The following ZNF474 variants were observed in gnomAD, a reference collection of about 807,000 sequenced individuals.
ZNF474 encodes zinc finger protein 474.
For missense variants in ZNF474, 511 were observed against 433.8 expected, an observed-to-expected ratio of 1.18 and a Z score of -1.58; for synonymous variants, 192 against 162.2, an observed-to-expected ratio of 1.18 and a Z score of -1.39.
chr5:122,131,555 T>A (rs1247683904), intron 1 of ZNF474, among the ~76,000 whole-genome samples: 2 of 151,784 alleles, frequency 1.3e-5, no homozygotes, highest in Non-Finnish European at 2.9e-5. Context: ...ATAAGCCAGA[T>A]AAGGAAAGAC....
intron 1 of ZNF474, among the ~76,000 whole-genome samples, chr5:122,150,144 C>T (rs2560307): frequency 0.99 from 151,312 of 152,314 alleles, 75,159 homozygotes; most frequent in Middle Eastern, 1. Flanking sequence ...AAATAACCCA[C>T]GGGCTGGATT....
chr5:122,143,632 A>G (rs1439056931), intron 1 of ZNF474, among the ~76,000 whole-genome samples: 2 of 152,190 alleles, frequency 1.3e-5, no homozygotes, highest in Non-Finnish European at 2.9e-5. Flanking sequence ...GACAAAATGG[A>G]CAGCTTGGCA....
At chr5:122,135,252 T>C (rs1755673056) in intron 1 of ZNF474, among the ~76,000 whole-genome samples, 1 of 152,190 alleles carries the variant, frequency 6.6e-6, no homozygotes, top group Non-Finnish European at 1.5e-5. Context: ...GGAGGATCAC[T>C]TGAGGCCGTA....
intron 1 of ZNF474, among the ~76,000 whole-genome samples, chr5:122,146,022 T>C (rs1240181984): frequency 6.6e-6 from 1 of 152,142 alleles, no homozygotes; most frequent in Non-Finnish European, 1.5e-5. Context: ...CAGCTGCTGC[T>C]ACTGAAAAGA....
intron 1 of ZNF474, chr5:122,148,063 TA>T (rs2152606368): frequency 6.6e-6 from 1 of 152,374 alleles, no homozygotes; most frequent in East Asian, 1.9e-4. Context: ...AACATTGCTT[TA>T]TGACGTTTTG....
chr5:122,134,275 G>T (rs1755645200), intron 1 of ZNF474, among the ~76,000 whole-genome samples: 1 of 152,184 alleles, frequency 6.6e-6, no homozygotes, highest in Non-Finnish European at 1.5e-5. Context: ...GCAAATAGAA[G>T]GTCCCCCAAG....
intron 1 of ZNF474, among the ~76,000 whole-genome samples, chr5:122,148,576 C>T (rs894841106): frequency 1.1e-4 from 16 of 152,092 alleles, no homozygotes; most frequent in East Asian, 3.9e-4. Context: ...CATCATTCAT[C>T]GTTGGTCTGC....
intron 1 of ZNF474, among the ~76,000 whole-genome samples, chr5:122,139,990 G>A (rs985963503): frequency 5.3e-5 from 8 of 152,180 alleles, no homozygotes; most frequent in African/African-American, 1.9e-4. Context: ...CCTATTATTG[G>A]TGTCCCATGA....
rs749712326 is a variant in ZNF474, at chr5:122,152,562, G to A, written c.572G>A (p.Gly191Asp). The change falls in exon 2 of 2, where the codon GGT becomes GAT. Residue 191 changes from glycine to aspartate, a missense_variant. Physicochemically the swap from Gly to Asp is moderately conservative, Grantham distance 94. Coordinates refer to ENST00000296600, the MANE Select transcript of ZNF474 (RefSeq NM_207317.3). Reference protein sequence around the residue: ...LVHHRSCKPKGEGPRAPHSNS... With the variant: ...LVHHRSCKPKDEGPRAPHSNS... ...CATCACAGAAGCTGCAAGCCAAAGG[G>A]TGAGGGTCCCAGAGCACCACACTCA... 2 of 1,614,174 alleles carry A rather than the reference G, an allele frequency of 1.2e-6. No individual in the cohort carries two copies. The highest frequency in any genetic ancestry group is 1.1e-5 in the South Asian group (1 of 91,082).
In ZNF474 at chr5:122,152,621, G is replaced by T. The variant is rs116805237; in HGVS notation, c.631G>T (p.Ala211Ser). The part of the protein sequence containing the change: ...SSDHLTGLKK[A>S]CSGTPARPRT... ...TGATCATCTTACTGGCCTCAAGAAA[G>T]CTTGTAGTGGAACCCCAGCCCGACC... is the stretch of plus-strand genomic sequence containing the variant. The change falls in exon 2 of 2, where the codon GCT becomes TCT. Residue 211 changes from alanine to serine, a missense_variant. By Grantham distance (99) the Ala-to-Ser change is moderately conservative. Coordinates refer to ENST00000296600, the MANE Select transcript of ZNF474 (RefSeq NM_207317.3). The T allele has an allele frequency of 1.9e-6, 3 of 1,614,182 alleles. No individual in the cohort carries two copies. The highest frequency in any genetic ancestry group is 4.5e-5 in the East Asian group (2 of 44,880).
chr5:122,143,614 T>C (rs1438400097), intron 1 of ZNF474, among the ~76,000 whole-genome samples: 1 of 152,182 alleles, frequency 6.6e-6, no homozygotes. Flanking sequence ...AATTTATAGG[T>C]ATTTCTTGAC....
rs764370353 is a variant in ZNF474 at position 122,153,056 on chromosome 5, G to C, written c.1066G>C (p.Gly356Arg). Residue 356 changes from glycine (G) to arginine (R), a missense_variant, in exon 2 of 2, where the codon GGT (glycine) becomes CGT (arginine). By Grantham distance (125) the Gly-to-Arg change is moderately radical. Coordinates refer to ENST00000296600, the MANE Select transcript of ZNF474 (RefSeq NM_207317.3). ...KVIHATQDAL[G>R]EPGGALCL ...AATTCATGCCACACAAGACGCATTA[G>C]GTGAACCTGGTGGTGCCCTCTGCCT... 6.2e-7 allele frequency: 1 copy of C among 1,612,882 alleles called. No individual in the cohort carries two copies. The highest frequency in any genetic ancestry group is 1.1e-5 in the South Asian group (1 of 90,956).
At chr5:122,148,982 G>A (rs563579191) in intron 1 of ZNF474, among the ~76,000 whole-genome samples, 1 of 152,090 alleles carries the variant, frequency 6.6e-6, no homozygotes, top group African/African-American at 2.4e-5. Context: ...CGCCCACCTC[G>A]GCCTCCCAAA....
Position 122,152,780 on chromosome 5 carries a change from C to T in ZNF474, c.790C>T (p.Gln264Ter), listed in dbSNP as rs1756230180. 1 of 1,614,200 alleles carries T rather than the reference C, an allele frequency of 6.2e-7. No individual in the cohort carries two copies. Among genetic ancestry groups the T allele is most frequent in the Non-Finnish European group, 8.5e-7 (1 of 1,180,042 alleles). Reference sequence around the variant, plus strand: ...TGTGGAGCTCCACCAGCCACTCCCACAGAAGCCTCAGCCCCTTCCGAATGC... The same window carrying T: ...TGTGGAGCTCCACCAGCCACTCCCATAGAAGCCTCAGCCCCTTCCGAATGC... ...LPVELHQPLP[Q>*]KPQPLPNAQS... The change falls in exon 2 of 2, where the codon CAG (glutamine) becomes TAG (stop). Residue 264 changes from glutamine (Q) to a stop codon, truncating the protein, a stop_gained. Coordinates refer to ENST00000296600, the MANE Select transcript of ZNF474 (RefSeq NM_207317.3). LOFTEE classifies it low-confidence loss of function (END_TRUNC).
In ZNF474 at chr5:122,153,040, C is replaced by T; in HGVS notation, c.1050C>T (p.Ala350=). The T allele has an allele frequency of 6.2e-7, 1 of 1,613,988 alleles. No individual in the cohort carries two copies. Among genetic ancestry groups the T allele is most frequent in the Admixed American group, 1.7e-5 (1 of 60,024 alleles). ...GTGTAACTGATAAGGTAATTCATGCCACACAAGACGCATTAGGTGAACCTG... is the reference window on the plus strand; with the variant it reads ...GTGTAACTGATAAGGTAATTCATGCTACACAAGACGCATTAGGTGAACCTG... The part of the protein sequence containing the change: ...APSVTDKVIH[A]TQDALGEPGG... Residue 350 remains alanine, a synonymous_variant, in exon 2 of 2, where the codon GCC becomes GCT. Transcript: ENST00000296600.
At chr5:122,132,806 A>G (rs967297363) in intron 1 of ZNF474, among the ~76,000 whole-genome samples, 1 of 152,156 alleles carries the variant, frequency 6.6e-6, no homozygotes, top group Admixed American at 6.5e-5. Flanking sequence ...ATGTAAATTG[A>G]CCATATGTTT....
At chr5:122,150,766 T>C (rs1756147638) in intron 1 of ZNF474, among the ~76,000 whole-genome samples, 1 of 152,340 alleles carries the variant, frequency 6.6e-6, no homozygotes, top group East Asian at 1.9e-4. Context: ...CTGCCACTTC[T>C]TCTGGTGGGG....
intron 1 of ZNF474, among the ~76,000 whole-genome samples, chr5:122,132,677 T>C (rs1169408888): frequency 6.6e-6 from 1 of 152,176 alleles, no homozygotes; most frequent in Non-Finnish European, 1.5e-5. Flanking sequence ...GTAGTGAAAG[T>C]AGGGAGTTGA....
rs989448111 is a variant in ZNF474, at chr5:122,129,554, A to T, written c.-342A>T. On this transcript the variant is annotated 5_prime_UTR_variant, in exon 1 of 2. Coordinates refer to ENST00000296600, the MANE Select transcript of ZNF474 (RefSeq NM_207317.3). Reference sequence around the variant, plus strand: ...GGTTCCTGTTACTCAGCAGCCTCAAAAACTCACACCAGCTCCTGCAAGGAA... The same window carrying T: ...GGTTCCTGTTACTCAGCAGCCTCAATAACTCACACCAGCTCCTGCAAGGAA... 1.3e-5 allele frequency: 2 copies of T among 152,176 alleles called. No individual in the cohort carries two copies. Among genetic ancestry groups the T allele is most frequent in the Non-Finnish European group, 1.5e-5 (1 of 68,026 alleles). The allele number at this position is 152,176 out of a possible 1,614,324, so 9.4% of individuals were successfully genotyped here.
Sources: gnomAD v4.1 joint callset for allele counts (sites outside exome capture counted in the v4.1 genomes callset) on GRCh38, gnomAD v4.1.1 for gene constraint, MANE v1.5 for transcripts, NCBI Gene and HGNC (gene_info 2026-07-23, HGNC 2026-07-21) for gene names.